Variants in ALS2 observed in about 807,000 individuals in gnomAD.
ALS2 encodes the protein alsin.
Under a neutral mutation model 203.4 loss-of-function variants are expected in ALS2, and 117 were observed. The ratio of observed to expected loss-of-function variants is 0.58; its 90% CI spans 0.50 to 0.67. The LOEUF is 0.67. ALS2 is among the 30% of genes least tolerant of loss of function. The probability of loss-of-function intolerance (pLI) is 0.00; values close to 1 mark genes in which losing one functional copy is unlikely to be tolerated. For missense variants in ALS2, 1,715 were observed against 1,989.4 expected, an observed-to-expected ratio of 0.86 and a Z score of 2.62; for synonymous variants, 718 against 725.9, an observed-to-expected ratio of 0.99 and a Z score of 0.17.
intron 1 of ALS2, among the ~76,000 whole-genome samples, chr2:201,778,753 G>A (rs1694767971): frequency 1.3e-5 from 2 of 152,132 alleles, no homozygotes; most frequent in South Asian, 4.1e-4. Context: ...CTTGAAATAC[G>A]TGGTAGATTT....
At chr2:201,762,193 CA>C (rs1423823602) in intron 3 of ALS2, among the ~76,000 whole-genome samples, 10 of 152,042 alleles carry the variant, frequency 6.6e-5, no homozygotes, top group African/African-American at 1.9e-4. Flanking sequence ...ATAAAATAAG[CA>C]AAAAATAAGA....
At chr2:201,724,524 G>C (rs1691024791) in intron 20 of ALS2, 65 bp from the exon 21 acceptor site, 2 of 1,557,320 alleles carry the variant, frequency 1.3e-6, no homozygotes, top group Non-Finnish European at 8.9e-7. Context: ...TTTTTACAAA[G>C]TTTAGAAAAT....
In ALS2 at chr2:201,704,447, C is replaced by T. The variant is rs1435302731; in HGVS notation, c.4838+7G>A. 1.2e-6 allele frequency: 2 copies of T among 1,614,000 alleles called. No individual in the cohort carries two copies. Among genetic ancestry groups the T allele is most frequent in the Admixed American group, 3.3e-5 (2 of 60,016 alleles). ...ACTCACTAATAACAAAGTCATAAAACAGTTACCTGGCCCGTAGCACCACAT... is the reference window on the plus strand; with the variant it reads ...ACTCACTAATAACAAAGTCATAAAATAGTTACCTGGCCCGTAGCACCACAT... On this transcript the variant is annotated splice_region_variant and intron_variant, in intron 32 of 33. Transcript: ENST00000264276.
intron 8 of ALS2, 96 bp from the exon 9 acceptor site, chr2:201,746,844 C>G (rs1692696041): frequency 2.1e-6 from 3 of 1,404,378 alleles, no homozygotes; most frequent in Admixed American, 1.7e-5. Flanking sequence ...CTTAAATAAG[C>G]GTGGTGCAGT....
At chr2:201,733,833 G>A in intron 12 of ALS2, among the ~76,000 whole-genome samples, 1 of 152,116 alleles carries the variant, frequency 6.6e-6, no homozygotes, top group Admixed American at 6.6e-5. Context: ...TAGAAACACT[G>A]GAAGAAAAAG....
intron 13 of ALS2, among the ~76,000 whole-genome samples, chr2:201,731,680 A>C (rs1691562753): frequency 6.7e-6 from 1 of 150,280 alleles, no homozygotes; most frequent in Admixed American, 6.7e-5. Flanking sequence ...TTACTAAATT[A>C]TAACGTATAG....
intron 7 of ALS2, among the ~76,000 whole-genome samples, chr2:201,752,373 T>A (rs1375725796): frequency 6.6e-6 from 1 of 152,188 alleles, no homozygotes; most frequent in Non-Finnish European, 1.5e-5. Flanking sequence ...ATGTATATAA[T>A]AAAGCCAGTA....
chr2:201,771,879 T>TAA (rs1479473841), intron 1 of ALS2, among the ~76,000 whole-genome samples: 1 of 152,252 alleles, frequency 6.6e-6, no homozygotes, highest in Admixed American at 6.5e-5. Flanking sequence ...CTTTCCTGCA[T>TAA]AGACCTGTTA....
At chr2:201,764,083 A>T (rs921610047) in intron 3 of ALS2, among the ~76,000 whole-genome samples, 3 of 152,188 alleles carry the variant, frequency 2.0e-5, no homozygotes, top group Admixed American at 2.0e-4. Flanking sequence ...ATAAGTAAGG[A>T]CTCAATAGTG....
intron 3 of ALS2, 25 bp from the exon 4 acceptor site, chr2:201,761,843 GA>G (rs370165238): frequency 4.3e-4 from 639 of 1,477,732 alleles, no homozygotes; most frequent in Middle Eastern, 1.3e-3. Flanking sequence ...AAAGAAAAAA[GA>G]AAAAAAAAAG....
chr2:201,726,346 T>G (rs1222592598), intron 19 of ALS2, 138 bp downstream of exon 19: 1 of 811,200 alleles, frequency 1.2e-6, no homozygotes, highest in East Asian at 2.6e-5. Context: ...GCTCTCTTCA[T>G]GCTCATACAT....
intron 33 of ALS2, among the ~76,000 whole-genome samples, chr2:201,702,171 A>G (rs148164893): frequency 2.0e-5 from 3 of 151,656 alleles, no homozygotes; most frequent in Non-Finnish European, 4.4e-5. Context: ...ACATGCAGAG[A>G]CACCACAATT....
At position 201,735,172 on chromosome 2, in the gene ALS2, G is replaced by A. The variant is rs141337901; in HGVS notation, c.2418-1734C>T. ...CCTAGAACAGGCAAACTCAAACAGA[G>A]AGGAAGTAGAATAGAGGTTACCAGA... On this transcript the variant is annotated intron_variant, in intron 12 of 33. Transcript: ENST00000264276. 2.0e-3 allele frequency among the ~76,000 whole-genome samples: 300 copies of A among 152,168 alleles called. 1 individual carries two copies. The highest frequency in any genetic ancestry group is 6.9e-3 in the African/African-American group (288 of 41,510).
chr2:201,739,660 T>C (rs958781214), intron 11 of ALS2, among the ~76,000 whole-genome samples: 5 of 151,906 alleles, frequency 3.3e-5, no homozygotes, highest in African/African-American at 9.7e-5. Flanking sequence ...GAAGAATCGC[T>C]TGAACTTGGG....
intron 27 of ALS2, 69 bp from the exon 28 acceptor site, chr2:201,708,060 T>C (rs1689835581): frequency 6.9e-7 from 1 of 1,452,786 alleles, no homozygotes; most frequent in Non-Finnish European, 9.5e-7. Flanking sequence ...TAAAAACACA[T>C]TTCCATTAGT....
rs1693486982 is a variant in ALS2 at position 201,757,768 on chromosome 2, T to C, written c.1114-9A>G. 6.3e-7 allele frequency: 1 copy of C among 1,583,028 alleles called. No individual in the cohort carries two copies. The highest frequency in any genetic ancestry group is 8.6e-7 in the Non-Finnish European group (1 of 1,160,150). ...GCTTCTTCTAAAAGAGGCTAAAATA[T>C]ACACACATAAAAAATTATATAAAAA... On this transcript the variant is annotated splice_polypyrimidine_tract_variant and intron_variant, in intron 4 of 33. Coordinates refer to ENST00000264276, the MANE Select transcript of ALS2 (RefSeq NM_020919.4).
chr2:201,761,426 T>A lies in ALS2; in HGVS notation c.568A>T (p.Thr190Ser). 6.2e-7 allele frequency: 1 copy of A among 1,607,896 alleles called. No individual in the cohort carries two copies. Among genetic ancestry groups the A allele is most frequent in the South Asian group, 1.1e-5 (1 of 90,678 alleles). ...AGATGTTCTACCTTTTGCGGCTTTG[T>A]CACTGGGAAGGCAGTGGTAATGAGA... ...LGLITTAFPV[T>S]KPQKVEHLAG... is the part of the protein sequence containing the mutation. The change falls in exon 4 of 34, where the codon ACA becomes TCA. Residue 190 changes from threonine (T) to serine (S), a missense_variant. Around this residue, in one of 3 missense-constraint regions of ALS2, gnomAD observed 476 missense variants for 539.3 expected, o/e 0.88. Coordinates refer to ENST00000264276, the MANE Select transcript of ALS2 (RefSeq NM_020919.4).
chr2:201,726,920 G>T, intron 17 of ALS2, 54 bp from the exon 18 acceptor site: 2 of 1,471,554 alleles, frequency 1.4e-6, no homozygotes, highest in Non-Finnish European at 1.9e-6. Context: ...ATCAAGCATT[G>T]CTTTAAATCC....
At chr2:201,732,712 T>C (rs12470229) in intron 13 of ALS2, among the ~76,000 whole-genome samples, 13,054 of 152,232 alleles carry the variant, frequency 0.086, 630 homozygotes, top group Middle Eastern at 0.12. Flanking sequence ...TCAGGACCAG[T>C]TTTAACATAC....
Sources: allele counts gnomAD v4.1 joint callset (sites outside exome capture counted in the v4.1 genomes callset), GRCh38; gene constraint gnomAD v4.1.1; regional missense constraint gnomAD v4.1.1; transcripts MANE v1.5; gene names NCBI Gene and HGNC (gene_info 2026-07-23, HGNC 2026-07-21).